The following ITPR1 variants were observed in gnomAD, a reference collection of about 807,000 sequenced individuals.
ITPR1 encodes the protein inositol 1,4,5-trisphosphate-gated calcium channel ITPR1.
In ITPR1, 96 loss-of-function variants were observed where a neutral mutation model predicts 318.4. The observed-to-expected ratio is 0.30, with a 90% CI of 0.26 to 0.36. The LOEUF is 0.36. Among genes scored for constraint, ITPR1 ranks in the 10% least tolerant of loss-of-function variants. The pLI is 1.00. For synonymous variants in ITPR1, 1,312 were observed against 1,289.9 expected (o/e 1.02, Z -0.37); for missense variants, 2,440 against 3,460.2 (o/e 0.71, Z 7.40).
chr3:4,675,296 T>C (rs1054526367), intron 23 of ITPR1, 48 bp downstream of exon 23: 3 of 1,379,282 alleles, frequency 2.2e-6, no homozygotes, highest in Non-Finnish European at 3.0e-6. Flanking sequence ...CCTCCAGCCT[T>C]TCCTGTTATG....
rs528154455 is a variant in ITPR1, at chr3:4,808,145, A to C, written c.7272+1878A>C. ...CAGTCCCTACCCTCATAGGCCTCAC[A>C]GTCAGGAGCACATTACAGGGACAGC... On this transcript the variant is annotated intron_variant, in intron 55 of 61. Transcript: ENST00000649015. Among the ~76,000 whole-genome samples, 10 of 152,366 alleles carry C rather than the reference A, an allele frequency of 6.6e-5. No individual in the cohort carries two copies. The South Asian group carries it at 1.4e-3, about 22-fold the overall frequency.
At chr3:4,517,890 C>G (rs1380300951) in intron 3 of ITPR1, among the ~76,000 whole-genome samples, 1 of 152,204 alleles carries the variant, frequency 6.6e-6, no homozygotes, top group Non-Finnish European at 1.5e-5. Flanking sequence ...ATGAAAAGCA[C>G]TAAATGAGCC....
intron 4 of ITPR1, among the ~76,000 whole-genome samples, chr3:4,553,332 A>C (rs961715613): frequency 3.3e-5 from 5 of 152,090 alleles, no homozygotes; most frequent in African/African-American, 1.2e-4. Flanking sequence ...TTTTTGACAG[A>C]TAGACAGGGT....
intron 44 of ITPR1, among the ~76,000 whole-genome samples, chr3:4,755,975 A>G (rs2044942513): frequency 6.6e-6 from 1 of 152,200 alleles, no homozygotes; most frequent in Non-Finnish European, 1.5e-5. Context: ...AGAGGCTGGT[A>G]AACTGAGAGC....
Position 4,838,191 on chromosome 3 carries a change from T to TA in ITPR1, c.8190+1262dup, listed in dbSNP as rs546819212. 7.2e-3 allele frequency among the ~76,000 whole-genome samples: 1,098 copies of TA among 152,238 alleles called. 21 individuals are homozygous for TA. The highest frequency in any genetic ancestry group is 0.025 in the African/African-American group (1,037 of 41,534). ...TCTTTCGTCTGTATTAAGGTGCAAA[T>TA]AAAAAAGACTAGTAGGAAAAGAAGG... On this transcript the variant is annotated intron_variant, in intron 61 of 61. Transcript: ENST00000649015.
At chr3:4,574,094 A>G (rs1035422869) in intron 4 of ITPR1, among the ~76,000 whole-genome samples, 9 of 152,132 alleles carry the variant, frequency 5.9e-5, no homozygotes, top group Admixed American at 1.3e-4. Flanking sequence ...GCCCAGGAAA[A>G]TGCTGTAATC....
In ITPR1 at chr3:4,699,948, A is replaced by C; in HGVS notation, c.4536+7A>C. 1 of 1,611,654 alleles carries C rather than the reference A, an allele frequency of 6.2e-7. No homozygotes were observed. Among genetic ancestry groups the C allele is most frequent in the South Asian group, 1.1e-5 (1 of 90,934 alleles). On this transcript the variant is annotated splice_region_variant and intron_variant, in intron 35 of 61. Coordinates refer to ENST00000649015, the MANE Select transcript of ITPR1 (RefSeq NM_001378452.1). The stretch of plus-strand genomic sequence containing the variant: ...CCAGAGTACGACTTTGCAGGTAAGA[A>C]ATAACCAACGTCAAGCAGAATGTTC...
intron 44 of ITPR1, among the ~76,000 whole-genome samples, chr3:4,765,458 G>T (rs545481055): frequency 3.9e-5 from 6 of 152,178 alleles, no homozygotes; most frequent in Non-Finnish European, 8.8e-5. Context: ...GTTCCCTAGG[G>T]CTCTGCTGAA....
intron 4 of ITPR1, among the ~76,000 whole-genome samples, chr3:4,600,304 T>C (rs914169345): frequency 1.3e-5 from 2 of 152,192 alleles, no homozygotes; most frequent in African/African-American, 4.8e-5. Context: ...TCAAGTTCCC[T>C]TGTGAATTAG....
chr3:4,846,923 T>G lies in ITPR1; in HGVS notation c.*698T>G, dbSNP rs1298150909. 1 of 152,674 alleles carries G rather than the reference T, an allele frequency of 6.5e-6. No individual in the cohort carries two copies. Among genetic ancestry groups the G allele is most frequent in the East Asian group, 1.9e-4 (1 of 5,206 alleles). 9.5% of individuals were successfully genotyped at this position (152,674 alleles called of 1,614,324 possible). ...CTTCTAAATTGATCATTTAAACTAT[T>G]TCTTTAAATAAGAGAGCCAAATTAG... On this transcript the variant is annotated 3_prime_UTR_variant, in exon 62 of 62. Transcript: ENST00000649015.
At chr3:4,792,501 G>A (rs554588756) in intron 52 of ITPR1, among the ~76,000 whole-genome samples, 1 of 152,220 alleles carries the variant, frequency 6.6e-6, no homozygotes, top group South Asian at 2.1e-4. Context: ...CTCTCATGGG[G>A]TTGTAGCCAG....
At chr3:4,524,865 C>A (rs1489061662) in intron 4 of ITPR1, among the ~76,000 whole-genome samples, 3 of 152,148 alleles carry the variant, frequency 2.0e-5, no homozygotes, top group Admixed American at 2.0e-4. Flanking sequence ...CTTTGCCAAC[C>A]TTGGTTTTCT....
intron 59 of ITPR1, 94 bp from the exon 60 acceptor site, chr3:4,817,988 C>T (rs2049419936): frequency 9.8e-7 from 1 of 1,024,906 alleles, no homozygotes; most frequent in Non-Finnish European, 1.4e-6. Flanking sequence ...GGAGTGAAAC[C>T]ACAGCCCCCT....
intron 35 of ITPR1, among the ~76,000 whole-genome samples, chr3:4,702,183 A>G (rs1211694072): frequency 2.0e-5 from 3 of 152,262 alleles, no homozygotes; most frequent in Non-Finnish European, 4.4e-5. Flanking sequence ...CTTTAAAATG[A>G]GTATAAATTT....
chr3:4,741,690 G>C (rs896176307), intron 44 of ITPR1, among the ~76,000 whole-genome samples: 1 of 152,194 alleles, frequency 6.6e-6, no homozygotes, highest in South Asian at 2.1e-4. Flanking sequence ...TTAGCAAAGA[G>C]ATGAGGGCGG....
chr3:4,685,163 C>T lies in ITPR1; in HGVS notation c.3659C>T (p.Ala1220Val), dbSNP rs773701050. Residue 1220 changes from alanine to valine, a missense_variant, in exon 30 of 62, where the codon GCG becomes GTG. Physicochemically the swap from Ala to Val is moderately conservative, Grantham distance 64. Coordinates refer to ENST00000649015, the MANE Select transcript of ITPR1 (RefSeq NM_001378452.1). ...QQQRLLRNMG[A>V]HAVVLELLQI... ...CAGCGTCTGCTCCGGAACATGGGCG[C>T]GCACGCCGTGGTGCTGGAGCTGCTG... The T allele has an allele frequency of 1.1e-5, 17 of 1,607,800 alleles. No individual in the cohort carries two copies. The highest frequency in any genetic ancestry group is 4.0e-5 in the African/African-American group (3 of 74,898).
chr3:4,525,279 T>TAATA (rs1157217547), intron 4 of ITPR1, among the ~76,000 whole-genome samples: 3 of 152,182 alleles, frequency 2.0e-5, no homozygotes, highest in African/African-American at 7.2e-5. Context: ...ATAAAAAGCC[T>TAATA]AATAGAGTGC....
chr3:4,666,303 A>G (rs1208889099), intron 17 of ITPR1, among the ~76,000 whole-genome samples: 2 of 151,644 alleles, frequency 1.3e-5, no homozygotes, highest in African/African-American at 2.4e-5. Context: ...TTGATCTTGA[A>G]TAGTGCTTTT....
chr3:4,530,546 G>C (rs549421249), intron 4 of ITPR1, among the ~76,000 whole-genome samples: 6 of 152,340 alleles, frequency 3.9e-5, no homozygotes, highest in Admixed American at 3.3e-4. Context: ...AACTTTGAGA[G>C]GCCAAGGCGG....
Sources: allele counts gnomAD v4.1 joint callset (sites outside exome capture counted in the v4.1 genomes callset), GRCh38; gene constraint gnomAD v4.1.1; transcripts MANE v1.5; gene names NCBI Gene and HGNC (gene_info 2026-07-23, HGNC 2026-07-21).